The following ARHGAP32 variants were observed in gnomAD, a reference collection of about 807,000 sequenced individuals.
ARHGAP32 encodes Rho GTPase activating protein 32.
ARHGAP32 carries 51 observed loss-of-function variants against 186.5 expected under a neutral mutation model. That is an observed-to-expected ratio of 0.27 (90% CI 0.22 to 0.35). ARHGAP32 has a LOEUF of 0.35. Ranked by LOEUF, ARHGAP32 falls within the 10% of genes least tolerant of loss-of-function variation. The pLI, the probability that ARHGAP32 is intolerant of heterozygous loss-of-function variation, is 1.00. For missense variants in ARHGAP32, 2,186 were observed against 2,623.5 expected, an observed-to-expected ratio of 0.83 and a Z score of 3.64; for synonymous variants, 950 against 964.3, an observed-to-expected ratio of 0.99 and a Z score of 0.27.
At chr11:128,996,025 G>A (rs1384701339) in intron 12 of ARHGAP32, among the ~76,000 whole-genome samples, 1 of 152,150 alleles carries the variant, frequency 6.6e-6, no homozygotes, top group Non-Finnish European at 1.5e-5. Flanking sequence ...CAAAAAGGTA[G>A]TGCTAACTCA....
At chr11:128,989,926 T>C (rs990093798) in intron 12 of ARHGAP32, among the ~76,000 whole-genome samples, 3 of 152,164 alleles carry the variant, frequency 2.0e-5, no homozygotes, top group Admixed American at 2.0e-4. Flanking sequence ...TTCCATGGTA[T>C]ATATGTGCCA....
At chr11:129,183,203 T>C (rs1213574471) in intron 1 of ARHGAP32, among the ~76,000 whole-genome samples, 5 of 152,148 alleles carry the variant, frequency 3.3e-5, no homozygotes, top group Admixed American at 1.3e-4. Context: ...TCTCTTCATG[T>C]CCCACAACCA....
intron 1 of ARHGAP32, among the ~76,000 whole-genome samples, chr11:129,225,428 T>C (rs1944767456): frequency 6.6e-6 from 1 of 152,082 alleles, no homozygotes; most frequent in Admixed American, 6.6e-5. Flanking sequence ...TAAAGGAGTG[T>C]ACCAACACAC....
intron 1 of ARHGAP32, among the ~76,000 whole-genome samples, chr11:129,174,601 A>G (rs971061179): frequency 5.3e-5 from 8 of 152,330 alleles, no homozygotes; most frequent in South Asian, 2.1e-4. Context: ...ATCTGAGAAC[A>G]GGCAGACTGC....
intron 1 of ARHGAP32, among the ~76,000 whole-genome samples, chr11:129,180,081 A>T (rs76916083): frequency 0.018 from 2,715 of 152,230 alleles, 75 homozygotes; most frequent in African/African-American, 0.054. Flanking sequence ...TCAATATATT[A>T]AAAAAATCGT....
upstream of ARHGAP32, among the ~76,000 whole-genome samples, chr11:129,195,710 G>A (rs1194035214): frequency 6.6e-6 from 1 of 151,832 alleles, no homozygotes; most frequent in Non-Finnish European, 1.5e-5. Context: ...GCGAACCTCC[G>A]TCTCAAAAAA....
intron 1 of ARHGAP32, among the ~76,000 whole-genome samples, chr11:129,225,452 C>T (rs1944767795): frequency 6.6e-6 from 1 of 152,154 alleles, no homozygotes. Flanking sequence ...AAGAGCCTCT[C>T]AGCAAAAACT....
chr11:129,104,049 GAA>G (rs1458020036), intron 5 of ARHGAP32, among the ~76,000 whole-genome samples: 1 of 152,018 alleles, frequency 6.6e-6, no homozygotes, highest in Non-Finnish European at 1.5e-5. Flanking sequence ...TAAGTTCTGA[GAA>G]AAGAGATTTA....
At chr11:129,093,728 A>T (rs1306833913) in intron 5 of ARHGAP32, 21 bp from the exon 6 acceptor site, 2 of 1,500,948 alleles carry the variant, frequency 1.3e-6, no homozygotes, top group South Asian at 2.4e-5. Flanking sequence ...GAAAAAAAAG[A>T]AGAGGGGGAA....
intron 6 of ARHGAP32, among the ~76,000 whole-genome samples, chr11:129,083,280 C>G (rs1257078788): frequency 6.6e-6 from 1 of 152,166 alleles, no homozygotes; most frequent in Non-Finnish European, 1.5e-5. Flanking sequence ...CTTGCCCACA[C>G]ATGTTTATAG....
chr11:129,048,143 T>C (rs1200814006), intron 10 of ARHGAP32, among the ~76,000 whole-genome samples: 1 of 152,078 alleles, frequency 6.6e-6, no homozygotes, highest in Non-Finnish European at 1.5e-5. Flanking sequence ...TTATTTATAC[T>C]GTCCCCTTGA....
At position 129,236,246 on chromosome 11, in the gene ARHGAP32, T is replaced by A. The variant is rs542379118; in HGVS notation, c.-5+42900A>T. Among the ~76,000 whole-genome samples, 11 of 152,298 alleles carry A rather than the reference T, an allele frequency of 7.2e-5. No homozygotes were observed. In the South Asian group the frequency reaches 1.9e-3, roughly 26 times the overall value. ...CGTCAACATCTATTATTTTTTTATT[T>A]TTGATTATGGCCATTCTTGCAGGAG... is the stretch of plus-strand genomic sequence containing the variant. On this transcript the variant is annotated intron_variant, in intron 1 of 6. Transcript: ENST00000525234.
At chr11:129,218,182 G>A (rs1944668480) in intron 1 of ARHGAP32, among the ~76,000 whole-genome samples, 1 of 152,102 alleles carries the variant, frequency 6.6e-6, no homozygotes, top group Non-Finnish European at 1.5e-5. Context: ...AATATACTGT[G>A]AAATATTAAA....
At chr11:129,077,179 G>C (rs1280537065) in intron 6 of ARHGAP32, among the ~76,000 whole-genome samples, 1 of 152,218 alleles carries the variant, frequency 6.6e-6, no homozygotes, top group Non-Finnish European at 1.5e-5. Context: ...GGGTTCTTTG[G>C]GAGGGATGCC....
chr11:129,052,488 T>C (rs898462431), intron 10 of ARHGAP32, among the ~76,000 whole-genome samples: 3 of 152,202 alleles, frequency 2.0e-5, no homozygotes, highest in Admixed American at 6.5e-5. Context: ...AGAAACGTCA[T>C]CTTAAAAAAT....
Position 129,208,647 on chromosome 11 carries a change from C to A in ARHGAP32, c.-4-44220G>T, listed in dbSNP as rs1165663064. 3.3e-5 allele frequency among the ~76,000 whole-genome samples: 5 copies of A among 150,638 alleles called. No homozygotes were observed. The East Asian group carries it at 9.8e-4, about 29-fold the overall frequency. ...AAACAACCGGACAGTGGATGACCAT[C>A]CATTCTGTCATTTTCTTTTCTTTTT... On this transcript the variant is annotated intron_variant, in intron 1 of 6. Coordinates refer to the ARHGAP32 transcript ENST00000525234.
At chr11:129,279,480 G>A (rs998337534), upstream of ARHGAP32, among the ~76,000 whole-genome samples, 1 of 144,408 alleles carries the variant, frequency 6.9e-6, no homozygotes, top group Non-Finnish European at 1.5e-5. Context: ...TCGGGCTCCA[G>A]AGCCTCTCAC....
chr11:129,264,540 G>C (rs945244427), intron 1 of ARHGAP32, among the ~76,000 whole-genome samples: 2 of 152,186 alleles, frequency 1.3e-5, no homozygotes, highest in South Asian at 4.1e-4. Context: ...AGTAGCTGTT[G>C]GTAATATTAA....
intron 10 of ARHGAP32, among the ~76,000 whole-genome samples, chr11:129,061,554 A>C (rs1258571258): frequency 1.3e-5 from 2 of 152,146 alleles, no homozygotes; most frequent in Non-Finnish European, 2.9e-5. Context: ...TGAACACAGC[A>C]CCTTAATACC....
Sources: allele counts gnomAD v4.1 joint callset (sites outside exome capture counted in the v4.1 genomes callset), GRCh38; gene constraint gnomAD v4.1.1; transcripts MANE v1.5; gene names NCBI Gene and HGNC (gene_info 2026-07-23, HGNC 2026-07-21).